SIM2: variants seen among roughly 807,000 people sequenced by gnomAD.
SIM2 encodes the protein single-minded homolog 2.
A neutral mutation model predicts 64.8 loss-of-function variants in SIM2; 28 were observed. The ratio of observed to expected loss-of-function variants is 0.43; its 90% CI spans 0.32 to 0.59. SIM2 has a LOEUF of 0.59. Ranked by LOEUF, SIM2 falls within the 20% of genes least tolerant of loss-of-function variation. SIM2 has a pLI of 0.07. For missense variants in SIM2, 847 were observed against 871.4 expected (o/e 0.97, Z 0.35); for synonymous variants, 408 against 391.1 (o/e 1.04, Z -0.51).
At position 36,745,205 on chromosome 21, in the gene SIM2, G is replaced by A. The variant is rs779257260; in HGVS notation, c.1576+69G>A. On this transcript the variant is annotated intron_variant, in intron 10 of 10. Transcript: ENST00000290399. The surrounding 1 kb of genome is among the most constrained non-coding windows in gnomAD (Gnocchi z 4.8). Reference sequence around the variant, plus strand: ...GGCCGGGAGCCGAAGCAGCCATGGCGGTGGGTGGCAGATGGAGACAGAACC... The same window carrying A: ...GGCCGGGAGCCGAAGCAGCCATGGCAGTGGGTGGCAGATGGAGACAGAACC... 9.8e-6 allele frequency: 15 copies of A among 1,527,646 alleles called. No individual in the cohort carries two copies. The highest frequency in any genetic ancestry group is 3.5e-6 in the Non-Finnish European group (4 of 1,136,138). The allele number at this position is 1,527,646 out of a possible 1,614,324, so 94.6% of individuals were successfully genotyped here.
Position 36,749,321 on chromosome 21 carries a change from T to G in SIM2, c.*1229T>G, listed in dbSNP as rs925220635. 3 of 152,606 alleles carry G rather than the reference T, an allele frequency of 2.0e-5. No homozygotes were observed. Among genetic ancestry groups the G allele is most frequent in the Non-Finnish European group, 2.9e-5 (2 of 68,044 alleles). The allele number at this position is 152,606 out of a possible 1,614,324, so 9.5% of individuals were successfully genotyped here. A position where few individuals can be genotyped will look rare whatever the true frequency, so the allele number is the denominator to read the frequency against. On this transcript the variant is annotated 3_prime_UTR_variant, in exon 11 of 11. Coordinates refer to ENST00000290399, the MANE Select transcript of SIM2 (RefSeq NM_005069.6). ...AACACTGCAGCATTTTGCTGCTTTA[T>G]CAAAATGGTTTATTTTAGGAAACTT...
intron 3 of SIM2, among the ~76,000 whole-genome samples, chr21:36,714,939 A>G (rs139817037): frequency 9.3e-4 from 142 of 152,338 alleles, no homozygotes; most frequent in African/African-American, 3.2e-3. Context: ...AAAACTTTGC[A>G]TCATAATTTT....
chr21:36,734,800 T>C (rs2089020693), intron 7 of SIM2, among the ~76,000 whole-genome samples: 2 of 152,116 alleles, frequency 1.3e-5, no homozygotes, highest in African/African-American at 4.8e-5. Context: ...GGTATGGAGC[T>C]TTGTGATTGT....
intron 8 of SIM2, 70 bp downstream of exon 8, chr21:36,741,934 A>T: frequency 7.4e-7 from 1 of 1,360,006 alleles, no homozygotes. Flanking sequence ...TGGCTCCAAT[A>T]AGCACCATCT....
Position 36,745,543 on chromosome 21 carries a change from A to G in SIM2, c.1576+407A>G. ...AGTGAATATTTGAGACAAACGGCCT[A>G]TTGGCTATTTTCCCATGCCAGTTTT... On this transcript the variant is annotated intron_variant, in intron 10 of 10. Transcript: ENST00000290399. The surrounding 1 kb of genome is among the most constrained non-coding windows in gnomAD (Gnocchi z 4.8). 8.9e-6 allele frequency: 10 copies of G among 1,118,970 alleles called. No homozygotes were observed. Among genetic ancestry groups the G allele is most frequent in the Non-Finnish European group, 1.1e-5 (10 of 903,374 alleles). 69.3% of individuals were successfully genotyped at this position (1,118,970 alleles called of 1,614,324 possible). A position where few individuals can be genotyped will look rare whatever the true frequency, so the allele number is the denominator to read the frequency against.
chr21:36,708,285 C>G (rs1386219479), intron 1 of SIM2, among the ~76,000 whole-genome samples: 3 of 152,210 alleles, frequency 2.0e-5, no homozygotes, highest in Non-Finnish European at 4.4e-5. Flanking sequence ...GCAGGGGAAG[C>G]CTGGGGTCTC....
In SIM2 at chr21:36,745,175, C is replaced by T. The variant is rs747032214; in HGVS notation, c.1576+39C>T. 1.1e-5 allele frequency: 17 copies of T among 1,577,904 alleles called. No individual in the cohort carries two copies. Among genetic ancestry groups the T allele is most frequent in the South Asian group, 2.3e-5 (2 of 86,170 alleles). ...GCTCGTGGGGAAGGTGGGAGGACTG[C>T]GCACGGCCGGGAGCCGAAGCAGCCA... On this transcript the variant is annotated intron_variant, in intron 10 of 10. Transcript: ENST00000290399. This position sits in a 1 kb window ranked among gnomAD's most constrained non-coding sequence, Gnocchi z 4.8.
intron 3 of SIM2, among the ~76,000 whole-genome samples, chr21:36,713,418 T>G (rs1254423835): frequency 2.0e-5 from 3 of 152,196 alleles, no homozygotes; most frequent in Non-Finnish European, 4.4e-5. Flanking sequence ...ATCATTCTCA[T>G]TCACATGCCT....
intron 7 of SIM2, among the ~76,000 whole-genome samples, chr21:36,736,596 C>T (rs553019171): frequency 7.7e-4 from 117 of 152,208 alleles, no homozygotes; most frequent in African/African-American, 2.0e-3. Context: ...AGAGGTCAGG[C>T]GAGGGGGCAC....
intron 7 of SIM2, among the ~76,000 whole-genome samples, chr21:36,735,462 G>T (rs1310011956): frequency 1.3e-5 from 2 of 152,204 alleles, no homozygotes; most frequent in Admixed American, 1.3e-4. Context: ...GTCCCTGTTG[G>T]CTGACAGGAG....
intron 1 of SIM2, 152 bp downstream of exon 1, chr21:36,700,073 C>G (rs1338246203): frequency 1.3e-6 from 1 of 790,554 alleles, no homozygotes; most frequent in African/African-American, 1.9e-5. Flanking sequence ...TCTTCGGCTT[C>G]GGCGCTGGCT....
intron 7 of SIM2, among the ~76,000 whole-genome samples, chr21:36,738,074 CTCTTG>C (rs1568939202): frequency 6.6e-6 from 1 of 151,868 alleles, no homozygotes; most frequent in African/African-American, 2.4e-5. Context: ...AGCACTAGTC[CTCTTG>C]AAATCCGTGG....
At chr21:36,719,443 G>T (rs981332034) in intron 3 of SIM2, among the ~76,000 whole-genome samples, 1 of 152,244 alleles carries the variant, frequency 6.6e-6, no homozygotes, top group African/African-American at 2.4e-5. Context: ...CGCCAGCAAG[G>T]GAAGGACAGA....
chr21:36,712,952 A>G (rs760240591), intron 3 of SIM2, among the ~76,000 whole-genome samples: 9 of 152,218 alleles, frequency 5.9e-5, no homozygotes, highest in Non-Finnish European at 1.3e-4. Flanking sequence ...ACAAAGGGAC[A>G]TGTTTCAGTC....
At chr21:36,725,953 A>G (rs1357047579) in intron 5 of SIM2, among the ~76,000 whole-genome samples, 166 bp from the exon 6 acceptor site, 1 of 152,162 alleles carries the variant, frequency 6.6e-6, no homozygotes, top group East Asian at 1.9e-4. Context: ...ACAGCTCTCC[A>G]CTTCTCCTAA....
At chr21:36,713,073 G>A (rs1325863100) in intron 3 of SIM2, among the ~76,000 whole-genome samples, 1 of 152,236 alleles carries the variant, frequency 6.6e-6, no homozygotes, top group African/African-American at 2.4e-5. Flanking sequence ...AGAGAATGGG[G>A]AGGGGTAGAT....
chr21:36,716,992 T>G (rs2088756303), intron 3 of SIM2, among the ~76,000 whole-genome samples: 7 of 152,204 alleles, frequency 4.6e-5, no homozygotes, highest in Admixed American at 4.6e-4. Flanking sequence ...ATTCCAAAAT[T>G]TGTTCTGTAA....
rs1354133101 is a variant in SIM2 at position 36,747,682 on chromosome 21, C to A, written c.1594C>A (p.Arg532Ser). The A allele has an allele frequency of 4.7e-6, 6 of 1,270,742 alleles. No individual in the cohort carries two copies. Among genetic ancestry groups the A allele is most frequent in the South Asian group, 2.6e-5 (1 of 38,280 alleles). 78.7% of individuals were successfully genotyped at this position (1,270,742 alleles called of 1,614,324 possible). Residue 532 changes from arginine to serine, a missense_variant, in exon 11 of 11, where the codon CGC (arginine) becomes AGC (serine). Arg to Ser is a moderately radical substitution (Grantham distance 110). This residue lies in a region of SIM2 where 447 missense variants were observed against 414.6 expected (regional missense o/e 1.08). Transcript: ENST00000290399. This position sits in a 1 kb window ranked among gnomAD's most constrained non-coding sequence, Gnocchi z 4.5. ...PSYEAPAAAVRRFGEDTAPPS... is the reference protein window; with the variant it reads ...PSYEAPAAAVSRFGEDTAPPS... ...CCCCGCAGCGCCCGCCGCCGCCGTG[C>A]GCAGGTTCGGCGAGGACACCGCGCC...
At position 36,740,043 on chromosome 21, in the gene SIM2, GAAAGAAAGAAAGAA is replaced by G. The variant is rs1230774351; in HGVS notation, c.851-1672_851-1659del. 2.8e-5 allele frequency among the ~76,000 whole-genome samples: 4 copies of G among 140,504 alleles called. No homozygotes were observed. In the East Asian group the frequency reaches 8.5e-4, roughly 30 times the overall value. 92.2% of individuals were successfully genotyped at this position (140,504 alleles called of 152,430 possible). On this transcript the variant is annotated intron_variant, in intron 7 of 10. Coordinates refer to ENST00000290399, the MANE Select transcript of SIM2 (RefSeq NM_005069.6). Reference sequence around the variant, plus strand: ...AGAAAGAAAGAAAGAAAGAAAGAAAGAAAGAAAGAAAGAAAGAGAAAATGCCACTCACCATAGAT... The same window carrying G: ...AGAAAGAAAGAAAGAAAGAAAGAAAGAGAGAAAATGCCACTCACCATAGAT...
Sources: gnomAD v4.1 joint callset for allele counts (sites outside exome capture counted in the v4.1 genomes callset) on GRCh38, gnomAD v4.1.1 for gene constraint, gnomAD v4.1.1 regional missense constraint, Gnocchi (gnomAD v3.1) non-coding constraint, MANE v1.5 for transcripts, NCBI Gene and HGNC (gene_info 2026-07-23, HGNC 2026-07-21) for gene names.